GNAQ: variants seen among roughly 807,000 people sequenced by gnomAD.
GNAQ encodes the protein guanine nucleotide-binding protein G(q) subunit alpha.
Under a neutral mutation model 43.9 loss-of-function variants are expected in GNAQ, and 8 were observed. The observed-to-expected ratio is 0.18, with a 90% CI of 0.11 to 0.33. The LOEUF (loss-of-function observed/expected upper bound fraction) is 0.33, where lower values mean the gene tolerates loss of function less well. Ranked by LOEUF, GNAQ falls within the 10% of genes least tolerant of loss-of-function variation. The pLI is 1.00. For synonymous variants in GNAQ, 155 were observed against 170.7 expected (o/e 0.91, Z 0.71); for missense variants, 158 against 450.8 (o/e 0.35, Z 5.88).
At chr9:77,738,182 G>A (rs1157625193) in intron 5 of GNAQ, among the ~76,000 whole-genome samples, 1 of 152,166 alleles carries the variant, frequency 6.6e-6, no homozygotes, top group African/African-American at 2.4e-5. Flanking sequence ...GTAACATGTA[G>A]AATGTATTTG....
chr9:77,818,068 T>C (rs1384997720), intron 2 of GNAQ, among the ~76,000 whole-genome samples: 1 of 152,200 alleles, frequency 6.6e-6, no homozygotes, highest in Non-Finnish European at 1.5e-5. Context: ...TCATGTTGAC[T>C]CTGAATTCAA....
intron 1 of GNAQ, among the ~76,000 whole-genome samples, chr9:77,972,529 A>G (rs1268201115): frequency 6.6e-6 from 1 of 152,218 alleles, no homozygotes; most frequent in Admixed American, 6.5e-5. Context: ...CAGCTTTTCC[A>G]TAATAAGTAA....
chr9:77,789,599 C>CT (rs2118428259), intron 5 of GNAQ, among the ~76,000 whole-genome samples: 1 of 152,112 alleles, frequency 6.6e-6, no homozygotes, highest in African/African-American at 2.4e-5. Context: ...AAATTCTTTT[C>CT]TTTTTTGCAG....
intron 2 of GNAQ, among the ~76,000 whole-genome samples, chr9:77,818,397 T>C (rs1031416235): frequency 1.3e-5 from 2 of 151,818 alleles, no homozygotes; most frequent in African/African-American, 4.8e-5. Context: ...ATTTTTAAAA[T>C]TGTGCATATA....
intron 3 of GNAQ, among the ~76,000 whole-genome samples, chr9:77,808,156 C>G (rs558962198): frequency 7.2e-5 from 11 of 152,214 alleles, no homozygotes; most frequent in African/African-American, 2.6e-4. Flanking sequence ...CACATCCACC[C>G]TGCCCTTTAG....
At chr9:77,767,456 T>C (rs956462112) in intron 5 of GNAQ, among the ~76,000 whole-genome samples, 2 of 152,164 alleles carry the variant, frequency 1.3e-5, no homozygotes, top group Non-Finnish European at 2.9e-5. Flanking sequence ...GCTGCTCTGG[T>C]AGTATGCATC....
intron 1 of GNAQ, among the ~76,000 whole-genome samples, chr9:77,962,594 A>T (rs1215112577): frequency 6.6e-6 from 1 of 152,172 alleles, no homozygotes; most frequent in East Asian, 1.9e-4. Context: ...GAGGTCTTCA[A>T]AAAGTGCATG....
At chr9:77,810,488 C>T (rs1369064128) in intron 3 of GNAQ, among the ~76,000 whole-genome samples, 5 of 152,138 alleles carry the variant, frequency 3.3e-5, no homozygotes, top group Non-Finnish European at 7.4e-5. Context: ...TGAAATAACA[C>T]ATGTAAATGA....
At chr9:77,887,283 A>G (rs541992706) in intron 2 of GNAQ, among the ~76,000 whole-genome samples, 2 of 152,358 alleles carry the variant, frequency 1.3e-5, no homozygotes, top group East Asian at 3.9e-4. Flanking sequence ...GATACATTCA[A>G]TGTTACTAAA....
intron 3 of GNAQ, among the ~76,000 whole-genome samples, chr9:77,811,610 C>A (rs772168538): frequency 9.9e-5 from 15 of 152,188 alleles, no homozygotes; most frequent in Admixed American, 3.3e-4. Context: ...ACTGGAGAAA[C>A]ATGTGGAACA....
At chr9:77,938,115 T>C (rs1250756656) in intron 1 of GNAQ, among the ~76,000 whole-genome samples, 1 of 152,216 alleles carries the variant, frequency 6.6e-6, no homozygotes, top group Non-Finnish European at 1.5e-5. Context: ...TCCTCCTGTA[T>C]ACTTTAAATG....
At chr9:78,005,976 G>A (rs1290229218) in intron 1 of GNAQ, among the ~76,000 whole-genome samples, 1 of 152,188 alleles carries the variant, frequency 6.6e-6, no homozygotes, top group Non-Finnish European at 1.5e-5. Context: ...CACATTTAAT[G>A]CTGCCAACAA....
At chr9:77,995,804 A>G (rs901121816) in intron 1 of GNAQ, among the ~76,000 whole-genome samples, 1 of 152,170 alleles carries the variant, frequency 6.6e-6, no homozygotes, top group African/African-American at 2.4e-5. Flanking sequence ...ATAAAGTTCT[A>G]AACTTGTCAG....
At chr9:77,931,508 G>T (rs867615504) in intron 1 of GNAQ, among the ~76,000 whole-genome samples, 5 of 151,758 alleles carry the variant, frequency 3.3e-5, no homozygotes, top group African/African-American at 1.2e-4. Context: ...GGAGGATGGC[G>T]TGAGCCCCGG....
chr9:77,805,894 A>G (rs1826822505), intron 3 of GNAQ, among the ~76,000 whole-genome samples: 1 of 152,222 alleles, frequency 6.6e-6, no homozygotes, highest in South Asian at 2.1e-4. Context: ...AAAGATTTTT[A>G]AAACTAAATT....
intron 1 of GNAQ, among the ~76,000 whole-genome samples, chr9:77,931,705 T>G (rs1025614390): frequency 6.6e-6 from 1 of 152,224 alleles, no homozygotes. Context: ...ATTATGCATA[T>G]GCTACCTATT....
chr9:77,854,831 G>T (rs7048811), intron 2 of GNAQ, among the ~76,000 whole-genome samples: 91,290 of 151,980 alleles, frequency 0.6, 28,561 homozygotes, highest in Middle Eastern at 0.71. Context: ...GCTTTTCTAT[G>T]AAGAGAGGAT....
At chr9:77,858,271 A>T (rs1343595242) in intron 2 of GNAQ, among the ~76,000 whole-genome samples, 1 of 152,184 alleles carries the variant, frequency 6.6e-6, no homozygotes, top group Non-Finnish European at 1.5e-5. Context: ...ACGCAGAGAC[A>T]GGACTTTGAC....
intron 1 of GNAQ, among the ~76,000 whole-genome samples, chr9:77,956,033 T>G (rs543073053): frequency 3.3e-4 from 51 of 152,358 alleles, no homozygotes; most frequent in Admixed American, 7.8e-4. Flanking sequence ...GAAACATTTT[T>G]GATTTATTAA....
Sources: gnomAD v4.1 joint callset for allele counts (sites outside exome capture counted in the v4.1 genomes callset) on GRCh38, gnomAD v4.1.1 for gene constraint, MANE v1.5 for transcripts, NCBI Gene and HGNC (gene_info 2026-07-23, HGNC 2026-07-21) for gene names.